CPSF7: variants seen among roughly 807,000 people sequenced by gnomAD.
The protein encoded by CPSF7 is cleavage and polyadenylation specific factor 7, also known as cleavage and polyadenylation specificity factor subunit 7.
In CPSF7, 1 loss-of-function variant was observed where a neutral mutation model predicts 44.3. The ratio of observed to expected loss-of-function variants is 0.02; its 90% CI spans 0.01 to 0.11. CPSF7 has a LOEUF of 0.11. Among genes scored for constraint, CPSF7 ranks in the 10% least tolerant of loss-of-function variants. The probability of loss-of-function intolerance (pLI) is 1.00; values close to 1 mark genes in which losing one functional copy is unlikely to be tolerated. For synonymous variants in CPSF7, 202 were observed against 222.0 expected, an observed-to-expected ratio of 0.91 and a Z score of 0.80; for missense variants, 443 against 607.2, an observed-to-expected ratio of 0.73 and a Z score of 2.84.
At chr11:61,428,931 G>A (rs1861656482) in intron 2 of CPSF7, 2 of 287,888 alleles carry the variant, frequency 6.9e-6, no homozygotes, top group Non-Finnish European at 1.3e-5. Context: ...TCCACAGGTT[G>A]ATTCACCATT....
intron 8 of CPSF7, among the ~76,000 whole-genome samples, chr11:61,411,503 T>C (rs1859844161): frequency 6.6e-6 from 1 of 152,202 alleles, no homozygotes; most frequent in African/African-American, 2.4e-5. Flanking sequence ...TCCAAGCTTG[T>C]AGGGCTCCAA....
intron 1 of CPSF7, chr11:61,429,659 A>G: frequency 7.4e-7 from 1 of 1,345,500 alleles, no homozygotes; most frequent in Non-Finnish European, 1.0e-6. Flanking sequence ...GGCTCCGGCC[A>G]GAGCCCCCAG....
chr11:61,414,285 T>C (rs919091292), intron 7 of CPSF7, among the ~76,000 whole-genome samples: 1 of 151,880 alleles, frequency 6.6e-6, no homozygotes, highest in African/African-American at 2.4e-5. Context: ...GCCTCCCAAG[T>C]AGCTGGGTCT....
chr11:61,421,484 G>A lies in CPSF7; in HGVS notation c.179C>T (p.Ser60Phe), dbSNP rs1199258192. 1.2e-6 allele frequency: 2 copies of A among 1,614,142 alleles called. No individual in the cohort carries two copies. Among genetic ancestry groups the A allele is most frequent in the Non-Finnish European group, 1.7e-6 (2 of 1,180,024 alleles). ...AGGGGTCTTGTTGTTGGGCTTGGGA[G>A]ATGGCTCCTGGCGAACAGGAGGAGG... The part of the protein sequence containing the change: ...EPPPPVRQEP[S>F]PKPNNKTPAI... Residue 60 changes from serine to phenylalanine, a missense_variant, in exon 3 of 10, where the codon TCT becomes TTT. Transcript: ENST00000439958.
chr11:61,427,602 G>T (rs569547928), intron 2 of CPSF7, among the ~76,000 whole-genome samples: 1 of 149,638 alleles, frequency 6.7e-6, no homozygotes, highest in Admixed American at 6.7e-5. Context: ...GCAGTGAGCC[G>T]AGATCGCGCC....
chr11:61,417,653 T>C (rs2135337467), intron 5 of CPSF7, among the ~76,000 whole-genome samples: 1 of 152,342 alleles, frequency 6.6e-6, no homozygotes, highest in African/African-American at 2.4e-5. Flanking sequence ...GCCAGTGCTG[T>C]CTTGTTCTTC....
At chr11:61,417,846 AG>A (rs1860482391) in intron 5 of CPSF7, among the ~76,000 whole-genome samples, 1 of 152,368 alleles carries the variant, frequency 6.6e-6, no homozygotes, top group African/African-American at 2.4e-5. Context: ...TTCTATGCAG[AG>A]GAAGTCCACC....
Position 61,404,513 on chromosome 11 carries a change from CAGG to C in CPSF7, c.*194_*196del, listed in dbSNP as rs1396988197. On this transcript the variant is annotated 3_prime_UTR_variant, in exon 10 of 10. Coordinates refer to ENST00000439958, the MANE Select transcript of CPSF7 (RefSeq NM_001142565.3). ...TCTTTAGGTTCTTTCCCCTGGCAAA[CAGG>C]AGGTGTGGGATTGGGAGGACTGCCA... The C allele has an allele frequency of 6.6e-6, 1 of 152,560 alleles. No individual in the cohort carries two copies. Among genetic ancestry groups the C allele is most frequent in the African/African-American group, 2.4e-5 (1 of 41,396 alleles). The allele number at this position is 152,560 out of a possible 1,614,324, so 9.5% of individuals were successfully genotyped here.
At chr11:61,419,047 G>A (rs1016017515) in intron 5 of CPSF7, among the ~76,000 whole-genome samples, 2 of 151,846 alleles carry the variant, frequency 1.3e-5, no homozygotes, top group African/African-American at 2.4e-5. Context: ...CTCCAAGATG[G>A]AGTCTTGCTC....
rs1382094743 is a variant in CPSF7 at position 61,403,889 on chromosome 11, G to A, written c.*821C>T. 1 of 152,628 alleles carries A rather than the reference G, an allele frequency of 6.6e-6. No individual in the cohort carries two copies. Among genetic ancestry groups the A allele is most frequent in the Non-Finnish European group, 1.5e-5 (1 of 68,042 alleles). The allele number at this position is 152,628 out of a possible 1,614,324, so 9.5% of individuals were successfully genotyped here. ...AGGGCTCCATGTGTTAAATGGAAAA[G>A]CCCCAGGGAAAGGGAACAACTAAGA... is the stretch of plus-strand genomic sequence containing the variant. On this transcript the variant is annotated 3_prime_UTR_variant, in exon 10 of 10. Coordinates refer to ENST00000439958, the MANE Select transcript of CPSF7 (RefSeq NM_001142565.3).
In CPSF7 at chr11:61,406,471, C is replaced by T. The variant is rs942511745; in HGVS notation, c.*6-1767G>A. Among the ~76,000 whole-genome samples the T allele has an allele frequency of 2.6e-5, 4 of 152,268 alleles. No homozygotes were observed. In the East Asian group the frequency reaches 5.8e-4, roughly 22 times the overall value. On this transcript the variant is annotated intron_variant, in intron 9 of 9. Transcript: ENST00000439958. ...GGTCACTACAGATGGAATTAAGAGTCCTTAGGGTGAGAATGTAAGAAATTG... is the reference window on the plus strand; with the variant it reads ...GGTCACTACAGATGGAATTAAGAGTTCTTAGGGTGAGAATGTAAGAAATTG...
At chr11:61,412,258 G>A (rs1859918083) in intron 7 of CPSF7, among the ~76,000 whole-genome samples, 1 of 151,484 alleles carries the variant, frequency 6.6e-6, no homozygotes, top group Non-Finnish European at 1.5e-5. Context: ...TCACAAGTGT[G>A]TATGTTTAAC....
At chr11:61,423,992 C>A (rs1386870472) in intron 2 of CPSF7, among the ~76,000 whole-genome samples, 1 of 152,090 alleles carries the variant, frequency 6.6e-6, no homozygotes. Flanking sequence ...TCTAAGAAAC[C>A]CACCAGGAGG....
intron 9 of CPSF7, among the ~76,000 whole-genome samples, chr11:61,407,380 T>C (rs921536526): frequency 1.3e-5 from 2 of 152,206 alleles, no homozygotes; most frequent in African/African-American, 2.4e-5. Context: ...CAAGTAACAC[T>C]AGCAACTGTG....
At chr11:61,424,557 A>T (rs1292199537) in intron 2 of CPSF7, among the ~76,000 whole-genome samples, 2 of 152,072 alleles carry the variant, frequency 1.3e-5, no homozygotes, top group Non-Finnish European at 2.9e-5. Context: ...GGTTCAAGTG[A>T]TTCTCCTGCC....
Position 61,416,423 on chromosome 11 carries a change from T to A in CPSF7, c.620A>T (p.Asp207Val). The A allele has an allele frequency of 6.2e-7, 1 of 1,613,900 alleles. No homozygotes were observed. The highest frequency in any genetic ancestry group is 8.5e-7 in the Non-Finnish European group (1 of 1,179,912). ...ENLVPSSARV[D>V]KPPSVLPYFN... is the part of the protein sequence containing the mutation. ...GTAGGGCAGCACACTGGGGGGCTTA[T>A]CCACACGAGCAGATGAGGGTACAAG... The change falls in exon 6 of 10, where the codon GAT becomes GTT. Residue 207 changes from aspartate (D) to valine (V), a missense_variant. Physicochemically the swap from Asp to Val is radical, Grantham distance 152. Transcript: ENST00000439958.
chr11:61,428,357 T>TTTTA (rs1861603848), intron 2 of CPSF7, among the ~76,000 whole-genome samples: 1 of 152,178 alleles, frequency 6.6e-6, no homozygotes. Context: ...TGTTGTTTTT[T>TTTTA]TTTACATTTT....
intron 4 of CPSF7, 95 bp downstream of exon 4, chr11:61,420,375 G>T: frequency 8.9e-7 from 1 of 1,123,480 alleles, no homozygotes; most frequent in Non-Finnish European, 1.3e-6. Flanking sequence ...CTGGGCCAGG[G>T]GTGGGAGTGA....
At chr11:61,406,147 C>A (rs1432333047) in intron 9 of CPSF7, 1 of 152,206 alleles carries the variant, frequency 6.6e-6, no homozygotes, top group African/African-American at 2.4e-5. Flanking sequence ...AGCCATAGCA[C>A]TGAATTCTTA....
Sources: allele counts gnomAD v4.1 joint callset (sites outside exome capture counted in the v4.1 genomes callset), GRCh38; gene constraint gnomAD v4.1.1; transcripts MANE v1.5; gene names NCBI Gene and HGNC (gene_info 2026-07-23, HGNC 2026-07-21).